EFR3B: variants seen among roughly 807,000 people sequenced by gnomAD.
EFR3B encodes EFR3 homolog B, also known as protein EFR3 homolog B.
A neutral mutation model predicts 104.7 loss-of-function variants in EFR3B; 64 were observed. The observed-to-expected ratio is 0.61, with a 90% CI of 0.50 to 0.75. The LOEUF is 0.75. EFR3B is among the 30% of genes least tolerant of loss of function. The probability of loss-of-function intolerance (pLI) is 0.00; values close to 1 mark genes in which losing one functional copy is unlikely to be tolerated. For synonymous variants in EFR3B, 385 were observed against 417.9 expected, an observed-to-expected ratio of 0.92 and a Z score of 0.96; for missense variants, 750 against 1,078.5, an observed-to-expected ratio of 0.70 and a Z score of 4.27.
intron 1 of EFR3B, chr2:25,079,997 G>T: frequency 2.0e-6 from 2 of 995,510 alleles, no homozygotes; most frequent in Non-Finnish European, 3.2e-6. Flanking sequence ...TTTCCTCCAA[G>T]TCGTCACAAG....
At chr2:25,126,091 A>G (rs1434095096) in intron 5 of EFR3B, among the ~76,000 whole-genome samples, 1 of 152,258 alleles carries the variant, frequency 6.6e-6, no homozygotes, top group South Asian at 2.1e-4. Context: ...GAGATCCTCA[A>G]TACTGCCACA....
intron 3 of EFR3B, among the ~76,000 whole-genome samples, chr2:25,094,256 G>T (rs984760771): frequency 8.8e-5 from 11 of 124,324 alleles, no homozygotes; most frequent in African/African-American, 3.4e-4. Context: ...CTGCACTCTA[G>T]CCTGGGAGAC....
intron 4 of EFR3B, among the ~76,000 whole-genome samples, chr2:25,109,915 A>G (rs1338736164): frequency 6.6e-6 from 1 of 152,192 alleles, no homozygotes; most frequent in Non-Finnish European, 1.5e-5. Flanking sequence ...AATGGCACAC[A>G]GGCATTTTTG....
chr2:25,052,258 G>T (rs769861165), intron 1 of EFR3B, among the ~76,000 whole-genome samples: 22 of 151,976 alleles, frequency 1.4e-4, no homozygotes, highest in African/African-American at 5.3e-4. Context: ...GAGCCACTGC[G>T]CCTGGCAGAG....
In EFR3B at chr2:25,136,731, C is replaced by A. The variant is rs908036774; in HGVS notation, c.1560+133C>A. The A allele has an allele frequency of 1.4e-6, 1 of 706,584 alleles. No individual in the cohort carries two copies. The highest frequency in any genetic ancestry group is 2.5e-5 in the Admixed American group (1 of 40,316). 43.8% of individuals were successfully genotyped at this position (706,584 alleles called of 1,614,324 possible). A position where few individuals can be genotyped will look rare whatever the true frequency, so the allele number is the denominator to read the frequency against. ...GGGAGCTCGAGACCAGCCAGACCAA[C>A]ATGGTAAAATCCCATCTTTACTAAA... On this transcript the variant is annotated intron_variant, in intron 14 of 22. Transcript: ENST00000403714. This position sits in a 1 kb window ranked among gnomAD's most constrained non-coding sequence, Gnocchi z 4.0.
At chr2:25,054,006 C>T (rs112799942) in intron 1 of EFR3B, among the ~76,000 whole-genome samples, 2 of 152,200 alleles carry the variant, frequency 1.3e-5, no homozygotes, top group African/African-American at 2.4e-5. Context: ...GACCTGGGAC[C>T]GGGCTGTGTG....
chr2:25,143,699 G>T, intron 17 of EFR3B, 36 bp from the exon 18 acceptor site: 2 of 1,550,342 alleles, frequency 1.3e-6, no homozygotes, highest in Admixed American at 2.0e-5. Flanking sequence ...TAGATACCGC[G>T]GTTCTAACGA....
At chr2:25,052,679 AT>A (rs1314051819) in intron 1 of EFR3B, among the ~76,000 whole-genome samples, 1 of 151,694 alleles carries the variant, frequency 6.6e-6, no homozygotes, top group Non-Finnish European at 1.5e-5. Context: ...ATGTTTTTGT[AT>A]TTTTAGTCGA....
intron 1 of EFR3B, among the ~76,000 whole-genome samples, chr2:25,085,158 C>G (rs559714641): frequency 5.3e-5 from 8 of 152,310 alleles, no homozygotes; most frequent in African/African-American, 1.9e-4. Flanking sequence ...GATAATTTCT[C>G]TCTTTTTCGA....
At chr2:25,046,160 T>A (rs997290834) in intron 1 of EFR3B, among the ~76,000 whole-genome samples, 5 of 151,784 alleles carry the variant, frequency 3.3e-5, no homozygotes, top group Non-Finnish European at 7.4e-5. Flanking sequence ...CCAGGGTGGG[T>A]GGATCACCTG....
At chr2:25,128,623 T>C (rs1670233343) in intron 6 of EFR3B, among the ~76,000 whole-genome samples, 1 of 152,058 alleles carries the variant, frequency 6.6e-6, no homozygotes, top group African/African-American at 2.4e-5. Context: ...AAGAGTCTGG[T>C]TACCTTTGTC....
intron 13 of EFR3B, 120 bp downstream of exon 13, chr2:25,135,759 A>T: frequency 8.5e-7 from 1 of 1,178,626 alleles, no homozygotes; most frequent in South Asian, 1.5e-5. Flanking sequence ...GTATTGTGGG[A>T]TCTGAGTATC....
chr2:25,097,029 A>T (rs1419423361), intron 3 of EFR3B, among the ~76,000 whole-genome samples: 2 of 152,228 alleles, frequency 1.3e-5, no homozygotes, highest in African/African-American at 2.4e-5. Flanking sequence ...AAATGACTTG[A>T]TCCTAGGTTG....
intron 1 of EFR3B, among the ~76,000 whole-genome samples, chr2:25,050,190 T>C (rs2149163578): frequency 6.6e-6 from 1 of 151,658 alleles, no homozygotes; most frequent in South Asian, 2.1e-4. Context: ...CTCATTCCTG[T>C]GAGCAGTGGG....
chr2:25,089,989 G>C (rs976505551), intron 1 of EFR3B, among the ~76,000 whole-genome samples: 2 of 151,272 alleles, frequency 1.3e-5, no homozygotes, highest in Non-Finnish European at 3.0e-5. Flanking sequence ...TCCTCCTCCA[G>C]TGGCACCCAC....
chr2:25,080,113 G>A lies in EFR3B; in HGVS notation c.8-11212G>A, dbSNP rs779350808. 3.9e-5 allele frequency: 40 copies of A among 1,022,272 alleles called. No homozygotes were observed. The East Asian group carries it at 4.8e-4, about 12-fold the overall frequency. 63.3% of individuals were successfully genotyped at this position (1,022,272 alleles called of 1,614,324 possible). On this transcript the variant is annotated intron_variant, in intron 1 of 22. Coordinates refer to ENST00000403714, the MANE Select transcript of EFR3B (RefSeq NM_014971.2). ...TTCAATTTCCACATCTTTTACTGCCGTGACTATACCCTGTGCAATAACATC... is the reference window on the plus strand; with the variant it reads ...TTCAATTTCCACATCTTTTACTGCCATGACTATACCCTGTGCAATAACATC...
intron 5 of EFR3B, among the ~76,000 whole-genome samples, chr2:25,125,722 G>GCA: frequency 6.6e-6 from 1 of 152,330 alleles, no homozygotes; most frequent in South Asian, 2.1e-4. Flanking sequence ...GCCAAGGCGG[G>GCA]AGGATCACAA....
At chr2:25,135,140 T>A (rs1670484382) in intron 12 of EFR3B, among the ~76,000 whole-genome samples, 1 of 152,188 alleles carries the variant, frequency 6.6e-6, no homozygotes, top group Admixed American at 6.5e-5. Flanking sequence ...GTTCATCAGT[T>A]GTGCCCTAAC....
chr2:25,133,304 T>G, intron 11 of EFR3B, 79 bp from the exon 12 acceptor site: 1 of 1,436,450 alleles, frequency 7.0e-7, no homozygotes, highest in South Asian at 1.2e-5. Flanking sequence ...AGAAACGAAT[T>G]GGGGTAGAAC....
Sources: gnomAD v4.1 joint callset for allele counts (sites outside exome capture counted in the v4.1 genomes callset) on GRCh38, gnomAD v4.1.1 for gene constraint, Gnocchi (gnomAD v3.1) non-coding constraint, MANE v1.5 for transcripts, NCBI Gene and HGNC (gene_info 2026-07-23, HGNC 2026-07-21) for gene names.